Variants in LRIG1 observed in about 807,000 individuals in gnomAD.
LRIG1 encodes the protein leucine rich repeats and immunoglobulin like domains 1, also known as leucine-rich repeats and immunoglobulin-like domains protein 1.
Under a neutral mutation model 99.2 loss-of-function variants are expected in LRIG1, and 48 were observed. The ratio of observed to expected loss-of-function variants is 0.48; its 90% CI spans 0.38 to 0.62. LRIG1 has a LOEUF of 0.62. Among genes scored for constraint, LRIG1 ranks in the 20% least tolerant of loss-of-function variants. LRIG1 has a pLI of 0.00. For missense variants in LRIG1, 1,646 were observed against 1,434.4 expected, an observed-to-expected ratio of 1.15 and a Z score of -2.38; for synonymous variants, 772 against 596.1, an observed-to-expected ratio of 1.29 and a Z score of -4.30.
intron 12 of LRIG1, 190 bp from the exon 13 acceptor site, chr3:66,386,491 G>T: frequency 1.7e-6 from 1 of 593,780 alleles, no homozygotes. Context: ...CATCTAATTA[G>T]AAGTCTGTGA....
intron 3 of LRIG1, among the ~76,000 whole-genome samples, chr3:66,446,226 C>A (rs1423840683): frequency 2.0e-5 from 3 of 152,074 alleles, no homozygotes; most frequent in African/African-American, 7.3e-5. Context: ...TGCCTCAGAT[C>A]CCTCCAACCC....
chr3:66,408,982 A>G (rs1190388833), intron 7 of LRIG1, among the ~76,000 whole-genome samples: 904 of 55,134 alleles, frequency 0.016, no homozygotes, highest in Middle Eastern at 0.036. Context: ...GGGGGGGAGG[A>G]GGAGGGAAGG....
chr3:66,403,826 T>G (rs558038807), intron 9 of LRIG1, among the ~76,000 whole-genome samples: 1 of 152,146 alleles, frequency 6.6e-6, no homozygotes, highest in Non-Finnish European at 1.5e-5. Context: ...CCCTCACCCT[T>G]CAATCGGTTA....
chr3:66,476,080 T>G (rs1293221076), intron 1 of LRIG1, among the ~76,000 whole-genome samples: 2 of 152,166 alleles, frequency 1.3e-5, no homozygotes, highest in Non-Finnish European at 2.9e-5. Context: ...GAACTACCTA[T>G]ATCAAATGGC....
intron 3 of LRIG1, among the ~76,000 whole-genome samples, chr3:66,445,404 C>T (rs746858148): frequency 1.3e-5 from 2 of 152,030 alleles, no homozygotes; most frequent in Non-Finnish European, 2.9e-5. Context: ...TACTTGTTTT[C>T]ATATTTTCTA....
intron 3 of LRIG1, among the ~76,000 whole-genome samples, chr3:66,421,988 C>T (rs1236323265): frequency 6.6e-6 from 1 of 152,244 alleles, no homozygotes; most frequent in Non-Finnish European, 1.5e-5. Flanking sequence ...CCTTTGAAGC[C>T]ATGGTCCGTG....
chr3:66,418,632 T>A (rs1702697909), intron 3 of LRIG1, among the ~76,000 whole-genome samples: 1 of 152,204 alleles, frequency 6.6e-6, no homozygotes, highest in Admixed American at 6.5e-5. Flanking sequence ...GAGCCAGTTC[T>A]GAATAAACAG....
intron 12 of LRIG1, among the ~76,000 whole-genome samples, chr3:66,392,171 T>C (rs963534953): frequency 2.6e-5 from 4 of 152,258 alleles, no homozygotes; most frequent in African/African-American, 9.6e-5. Flanking sequence ...TGTATGGCTA[T>C]ACCACCTTTT....
Position 66,417,275 on chromosome 3 carries a change from C to CA in LRIG1, c.366-10dup, listed in dbSNP as rs1212443744. 3.1e-6 allele frequency: 5 copies of CA among 1,610,494 alleles called. No individual in the cohort carries two copies. Among genetic ancestry groups the CA allele is most frequent in the Non-Finnish European group, 4.2e-6 (5 of 1,177,188 alleles). The stretch of plus-strand genomic sequence containing the variant: ...GAATCTTGTTGTGCTGCCTGAAACA[C>CA]AACAAGGGAGGTGACTTGAGCATCT... On this transcript the variant is annotated splice_polypyrimidine_tract_variant and intron_variant, in intron 3 of 18. Transcript: ENST00000273261.
At chr3:66,473,659 A>C (rs753453654) in intron 1 of LRIG1, among the ~76,000 whole-genome samples, 1 of 152,240 alleles carries the variant, frequency 6.6e-6, no homozygotes, top group Non-Finnish European at 1.5e-5. Flanking sequence ...CCCTGGTATT[A>C]AATCAGCCAA....
rs1487600143 is a variant in LRIG1 at position 66,500,932 on chromosome 3, C to G, written c.-525G>C. The G allele has an allele frequency of 1.3e-5, 2 of 151,044 alleles. No individual in the cohort carries two copies. Among genetic ancestry groups the G allele is most frequent in the Non-Finnish European group, 3.0e-5 (2 of 67,610 alleles). The allele number at this position is 151,044 out of a possible 1,614,324, so 9.4% of individuals were successfully genotyped here. A position where few individuals can be genotyped will look rare whatever the true frequency, so the allele number is the denominator to read the frequency against. ...CTGTCCCCACGCCGCGGCCAGAGAG[C>G]GCGCGCGCGCGCGCAGCCTCGGGTT... is the stretch of plus-strand genomic sequence containing the variant. On this transcript the variant is annotated 5_prime_UTR_variant, in exon 1 of 19. Transcript: ENST00000273261.
At chr3:66,397,420 T>C (rs1701893636) in intron 11 of LRIG1, among the ~76,000 whole-genome samples, 1 of 142,306 alleles carries the variant, frequency 7.0e-6, no homozygotes, top group Non-Finnish European at 1.5e-5. Flanking sequence ...TAGAACTTAC[T>C]GGCTGTAGAA....
intron 11 of LRIG1, among the ~76,000 whole-genome samples, chr3:66,397,740 G>A (rs557921636): frequency 3.9e-5 from 6 of 152,288 alleles, no homozygotes; most frequent in South Asian, 2.1e-4. Context: ...GGCCTTTATC[G>A]TAAGCAAGCC....
chr3:66,407,629 A>ACC (rs1250464542), intron 7 of LRIG1, 138 bp from the exon 8 acceptor site: 6 of 847,308 alleles, frequency 7.1e-6, no homozygotes, highest in South Asian at 1.7e-5. Flanking sequence ...GCGTGCACAC[A>ACC]CACACCCACA....
At chr3:66,384,839 A>C (rs1420506985) in intron 13 of LRIG1, among the ~76,000 whole-genome samples, 1 of 152,190 alleles carries the variant, frequency 6.6e-6, no homozygotes, top group Non-Finnish European at 1.5e-5. Context: ...CGATGTCCTG[A>C]CAGAGTGGGA....
rs759029500 is a variant in LRIG1, at chr3:66,384,281, CAT to C, written c.1790-11_1790-10del. On this transcript the variant is annotated splice_polypyrimidine_tract_variant and intron_variant, in intron 13 of 18. Transcript: ENST00000273261. ...GGTGAATGATGGCAACACTGGAAAA[CAT>C]ACGTATACAGGGTCGGGTTACGGGA... The C allele has an allele frequency of 3.7e-6, 6 of 1,607,244 alleles. No individual in the cohort carries two copies. In the South Asian group the frequency reaches 6.6e-5, roughly 18 times the overall value.
intron 12 of LRIG1, among the ~76,000 whole-genome samples, chr3:66,391,954 CCT>C (rs1483015249): frequency 3.9e-5 from 6 of 152,114 alleles, no homozygotes; most frequent in Non-Finnish European, 1.5e-5. Context: ...AGCTATTACC[CCT>C]CTCTTTCCAT....
intron 1 of LRIG1, among the ~76,000 whole-genome samples, chr3:66,496,258 A>C (rs1701225296): frequency 6.6e-6 from 1 of 152,230 alleles, no homozygotes; most frequent in African/African-American, 2.4e-5. Flanking sequence ...TAAAGGCAAG[A>C]GGGACATTGT....
chr3:66,412,041 C>T (rs919758101), intron 6 of LRIG1, among the ~76,000 whole-genome samples: 7 of 152,094 alleles, frequency 4.6e-5, no homozygotes, highest in African/African-American at 9.7e-5. Flanking sequence ...TAAATATTAA[C>T]GTTTAAAAAG....
Sources: gnomAD v4.1 joint callset for allele counts (sites outside exome capture counted in the v4.1 genomes callset) on GRCh38, gnomAD v4.1.1 for gene constraint, MANE v1.5 for transcripts, NCBI Gene and HGNC (gene_info 2026-07-23, HGNC 2026-07-21) for gene names.